Variants in CPNE8 observed in about 807,000 individuals in gnomAD.
CPNE8 encodes copine-8.
Under a neutral mutation model 81.5 loss-of-function variants are expected in CPNE8, and 45 were observed. That is an observed-to-expected ratio of 0.55 (90% confidence interval 0.44 to 0.71). The LOEUF is 0.71. Ranked by LOEUF, CPNE8 falls within the 30% of genes least tolerant of loss-of-function variation. The pLI is 0.00. For missense variants in CPNE8, 594 were observed against 672.1 expected (o/e 0.88, Z 1.28); for synonymous variants, 252 against 226.3 (o/e 1.11, Z -1.02).
intron 7 of CPNE8, among the ~76,000 whole-genome samples, chr12:38,768,663 G>C (rs1941739422): frequency 1.3e-5 from 2 of 151,456 alleles, no homozygotes; most frequent in Admixed American, 6.6e-5. Flanking sequence ...GGGACTACAG[G>C]CACACGCTGC....
intron 15 of CPNE8, among the ~76,000 whole-genome samples, chr12:38,686,148 G>GA (rs1314786563): frequency 6.6e-6 from 1 of 151,868 alleles, no homozygotes; most frequent in Non-Finnish European, 1.5e-5. Flanking sequence ...CCTGACAGCA[G>GA]AAAAAATGTA....
intron 13 of CPNE8, among the ~76,000 whole-genome samples, chr12:38,708,141 C>A (rs1020613387): frequency 6.6e-6 from 1 of 152,090 alleles, no homozygotes; most frequent in Non-Finnish European, 1.5e-5. Flanking sequence ...CTTACTAAAT[C>A]AAGTGTCATA....
chr12:38,657,251 A>G (rs1938842271), intron 19 of CPNE8, among the ~76,000 whole-genome samples: 1 of 152,188 alleles, frequency 6.6e-6, no homozygotes. Context: ...GGTGGGTCCC[A>G]TTCCCACAGA....
intron 15 of CPNE8, among the ~76,000 whole-genome samples, chr12:38,689,156 C>T (rs1939611442): frequency 6.6e-6 from 1 of 152,162 alleles, no homozygotes. Context: ...TGCCTTATTT[C>T]ATATTTCCCT....
chr12:38,709,300 C>T (rs1397369921), intron 13 of CPNE8, among the ~76,000 whole-genome samples: 3 of 152,150 alleles, frequency 2.0e-5, no homozygotes, highest in Admixed American at 6.5e-5. Flanking sequence ...AAAATTGGTT[C>T]AACTACCTGA....
intron 1 of CPNE8, among the ~76,000 whole-genome samples, chr12:38,892,737 T>G (rs1944331721): frequency 6.6e-6 from 1 of 152,204 alleles, no homozygotes; most frequent in African/African-American, 2.4e-5. Context: ...TCTGACAATT[T>G]TACTAAAAAC....
At chr12:38,905,066 A>G (rs780074873) in intron 1 of CPNE8, among the ~76,000 whole-genome samples, 77 of 152,254 alleles carry the variant, frequency 5.1e-4, no homozygotes, top group South Asian at 1.9e-3. Flanking sequence ...AGCGGTCACA[A>G]GAGCTTTTGG....
chr12:38,839,411 T>A (rs550253705), intron 5 of CPNE8, among the ~76,000 whole-genome samples: 1 of 151,888 alleles, frequency 6.6e-6, no homozygotes, highest in South Asian at 2.1e-4. Flanking sequence ...AACAAAACTA[T>A]AAGTGACTTG....
chr12:38,704,838 A>ATG (rs1940059885), intron 13 of CPNE8, among the ~76,000 whole-genome samples: 1 of 32,578 alleles, frequency 3.1e-5, no homozygotes, highest in Admixed American at 3.9e-4. Flanking sequence ...ATATATATAT[A>ATG]TATATATATA....
rs549188200 is a variant in CPNE8 at position 38,879,283 on chromosome 12, T to C, written c.99-4772A>G. 2.0e-5 allele frequency among the ~76,000 whole-genome samples: 3 copies of C among 151,230 alleles called. No homozygotes were observed. In the South Asian group the frequency reaches 6.3e-4, roughly 32 times the overall value. The stretch of plus-strand genomic sequence containing the variant: ...AATTGCCAGATAGGAAGCAGCCCAG[T>C]AGGGACCCTGGCTTTACAGAGAGTC... On this transcript the variant is annotated intron_variant, in intron 1 of 19. Coordinates refer to ENST00000331366, the MANE Select transcript of CPNE8 (RefSeq NM_153634.3).
chr12:38,661,664 A>G (rs1938955898), intron 19 of CPNE8, among the ~76,000 whole-genome samples: 1 of 152,100 alleles, frequency 6.6e-6, no homozygotes, highest in Admixed American at 6.6e-5. Flanking sequence ...ACAAGGCCAG[A>G]ACTACCCTGA....
chr12:38,795,898 T>TAGATAGATAGATAGAA (rs1942455849), intron 6 of CPNE8, among the ~76,000 whole-genome samples: 1 of 151,966 alleles, frequency 6.6e-6, no homozygotes, highest in Non-Finnish European at 1.5e-5. Flanking sequence ...GATAGATAGA[T>TAGATAGATAGATAGAA]AGAAGATAGA....
rs535032973 is a variant in CPNE8 at position 38,843,617 on chromosome 12, G to A, written c.291-3662C>T. ...CCACCCTGGGGCTGTCAATAAAAGA[G>A]AAACTCACTAGGAAGTTCTAGAAAG... On this transcript the variant is annotated intron_variant, in intron 4 of 19. Transcript: ENST00000331366. Among the ~76,000 whole-genome samples the A allele has an allele frequency of 5.9e-5, 9 of 152,172 alleles. No individual in the cohort carries two copies. In the East Asian group the frequency reaches 1.2e-3, roughly 20 times the overall value.
chr12:38,812,050 G>A (rs959088106), intron 6 of CPNE8, among the ~76,000 whole-genome samples: 8 of 152,078 alleles, frequency 5.3e-5, no homozygotes, highest in South Asian at 2.1e-4. Context: ...AAAGGATAAC[G>A]GGCAATATAA....
intron 6 of CPNE8, among the ~76,000 whole-genome samples, chr12:38,810,819 T>C (rs1379934002): frequency 6.6e-6 from 1 of 152,170 alleles, no homozygotes; most frequent in African/African-American, 2.4e-5. Context: ...AGTTCATTCA[T>C]GTTGTTGGCA....
chr12:38,889,848 C>T (rs1051517137), intron 1 of CPNE8, among the ~76,000 whole-genome samples: 1 of 152,180 alleles, frequency 6.6e-6, no homozygotes, highest in African/African-American at 2.4e-5. Flanking sequence ...TGAGGCTCAA[C>T]TGACAGAAGT....
chr12:38,844,992 G>A (rs771526989), intron 4 of CPNE8, among the ~76,000 whole-genome samples: 4 of 151,876 alleles, frequency 2.6e-5, no homozygotes, highest in South Asian at 4.2e-4. Flanking sequence ...ACAAAATGAG[G>A]TCATTTTTGT....
At chr12:38,699,787 C>T (rs1004693986) in intron 14 of CPNE8, among the ~76,000 whole-genome samples, 1 of 152,018 alleles carries the variant, frequency 6.6e-6, no homozygotes, top group African/African-American at 2.4e-5. Context: ...AGAAGAATTG[C>T]TAGTTAAATT....
chr12:38,791,663 C>T (rs1421140344), intron 6 of CPNE8, among the ~76,000 whole-genome samples: 1 of 151,478 alleles, frequency 6.6e-6, no homozygotes, highest in Non-Finnish European at 1.5e-5. Flanking sequence ...AATACCACAT[C>T]TTTAATAATG....
Sources: gnomAD v4.1 joint callset for allele counts (sites outside exome capture counted in the v4.1 genomes callset) on GRCh38, gnomAD v4.1.1 for gene constraint, MANE v1.5 for transcripts, NCBI Gene and HGNC (gene_info 2026-07-23, HGNC 2026-07-21) for gene names.